Variants in GULP1 observed in about 807,000 individuals in gnomAD.
The protein encoded by GULP1 is PTB domain-containing engulfment adapter protein 1.
In GULP1, 19 loss-of-function variants were observed where a neutral mutation model predicts 40.9. The observed-to-expected ratio is 0.46, with a 90% CI of 0.32 to 0.68. GULP1 has a LOEUF of 0.68. Among genes scored for constraint, GULP1 ranks in the 30% least tolerant of loss-of-function variants. The probability of loss-of-function intolerance (pLI) is 0.03; values close to 1 mark genes in which losing one functional copy is unlikely to be tolerated. For missense variants in GULP1, 312 were observed against 362.2 expected (o/e 0.86, Z 1.12); for synonymous variants, 119 against 117.6 (o/e 1.01, Z -0.08).
At chr2:188,349,404 A>G (rs905524931) in intron 1 of GULP1, among the ~76,000 whole-genome samples, 2 of 152,148 alleles carry the variant, frequency 1.3e-5, no homozygotes, top group African/African-American at 4.8e-5. Flanking sequence ...GCTTGCCAAT[A>G]CTTGTTAATG....
chr2:188,323,868 C>A (rs1383520279), intron 1 of GULP1, among the ~76,000 whole-genome samples: 1 of 151,554 alleles, frequency 6.6e-6, no homozygotes, highest in Non-Finnish European at 1.5e-5. Flanking sequence ...GCTGGCGTAT[C>A]CTCTCAATTT....
intron 4 of GULP1, among the ~76,000 whole-genome samples, chr2:188,493,549 A>T (rs1030594173): frequency 6.6e-6 from 1 of 152,002 alleles, no homozygotes; most frequent in Non-Finnish European, 1.5e-5. Context: ...TTTCCTGCCT[A>T]AATGTCACCC....
At chr2:188,342,375 T>G (rs939505715) in intron 1 of GULP1, among the ~76,000 whole-genome samples, 2 of 152,110 alleles carry the variant, frequency 1.3e-5, no homozygotes, top group African/African-American at 2.4e-5. Flanking sequence ...TTCCTCCATG[T>G]CTCTTTGTGT....
At chr2:188,357,481 A>G (rs1401637029) in intron 1 of GULP1, among the ~76,000 whole-genome samples, 3 of 152,188 alleles carry the variant, frequency 2.0e-5, no homozygotes, top group Non-Finnish European at 1.5e-5. Flanking sequence ...GGTAGTGCAT[A>G]TCAAAACTAT....
intron 1 of GULP1, among the ~76,000 whole-genome samples, chr2:188,308,369 G>T (rs1236288609): frequency 2.0e-5 from 3 of 152,040 alleles, no homozygotes; most frequent in Admixed American, 2.0e-4. Context: ...AAATGTTTTA[G>T]AAAATAATTT....
intron 2 of GULP1, among the ~76,000 whole-genome samples, chr2:188,418,254 T>C (rs1350538629): frequency 6.6e-6 from 1 of 152,190 alleles, no homozygotes; most frequent in Non-Finnish European, 1.5e-5. Context: ...TACCTCTGAT[T>C]GGTTAGATTA....
rs138602865 is a variant in GULP1 at position 188,397,516 on chromosome 2, A to G, written c.-45+13627A>G. Among the ~76,000 whole-genome samples the G allele has an allele frequency of 2.0e-3, 311 of 152,340 alleles. 2 individuals are homozygous for G. The highest frequency in any genetic ancestry group is 6.8e-3 in the Middle Eastern group (2 of 294). ...AATAAAACTCACTGCAATTTTTTTC[A>G]TAGAAGATACTTCATAAATGTTGCT... On this transcript the variant is annotated intron_variant, in intron 2 of 11. Coordinates refer to ENST00000409830, the MANE Select transcript of GULP1 (RefSeq NM_016315.4).
rs1576294139 is a variant in GULP1, at chr2:188,584,005, A to G, written c.610-260A>G. On this transcript the variant is annotated intron_variant, in intron 9 of 11. Transcript: ENST00000409830. Reference sequence around the variant, plus strand: ...GTATCTTTTATATTCATCTGGAATAATATTGTCACCGTTTTTGCCATCATC... The same window carrying G: ...GTATCTTTTATATTCATCTGGAATAGTATTGTCACCGTTTTTGCCATCATC... Among the ~76,000 whole-genome samples the G allele has an allele frequency of 2.0e-5, 3 of 152,326 alleles. No individual in the cohort carries two copies. In the Middle Eastern group the frequency reaches 0.01, roughly 518 times the overall value.
intron 1 of GULP1, among the ~76,000 whole-genome samples, chr2:188,340,022 A>T (rs2042756265): frequency 2.0e-5 from 3 of 152,216 alleles, no homozygotes; most frequent in African/African-American, 7.2e-5. Flanking sequence ...CCTAAAAAGA[A>T]CGAGAGAGAT....
At chr2:188,467,355 T>G (rs2060211848) in intron 2 of GULP1, among the ~76,000 whole-genome samples, 1 of 152,160 alleles carries the variant, frequency 6.6e-6, no homozygotes, top group African/African-American at 2.4e-5. Context: ...GTCTGAAACT[T>G]ACAGTTTGAG....
intron 11 of GULP1, chr2:188,588,867 GC>G (rs1702946317): frequency 6.6e-6 from 1 of 151,972 alleles, no homozygotes; most frequent in South Asian, 2.1e-4. Context: ...TAATTTAAAT[GC>G]CCTTTTACTC....
intron 2 of GULP1, among the ~76,000 whole-genome samples, chr2:188,387,335 A>G (rs1211202736): frequency 6.6e-6 from 1 of 152,182 alleles, no homozygotes; most frequent in Non-Finnish European, 1.5e-5. Flanking sequence ...ACATTTATCT[A>G]ATTAATATTT....
intron 1 of GULP1, among the ~76,000 whole-genome samples, chr2:188,332,475 A>G (rs13411351): frequency 0.022 from 3,408 of 152,288 alleles, 137 homozygotes; most frequent in African/African-American, 0.078. Flanking sequence ...GGCATGAGCC[A>G]TCGTGCCAAA....
At chr2:188,450,001 C>G (rs914580410) in intron 2 of GULP1, among the ~76,000 whole-genome samples, 21 of 152,036 alleles carry the variant, frequency 1.4e-4, no homozygotes, top group Admixed American at 1.1e-3. Context: ...CTTATTTATT[C>G]TAAATCTAAC....
chr2:188,569,370 C>A lies in GULP1; in HGVS notation c.516+15C>A. 2.5e-6 allele frequency: 3 copies of A among 1,213,932 alleles called. No individual in the cohort carries two copies. The highest frequency in any genetic ancestry group is 3.7e-6 in the Non-Finnish European group (3 of 814,940). 75.2% of individuals were successfully genotyped at this position (1,213,932 alleles called of 1,614,324 possible). On this transcript the variant is annotated intron_variant, in intron 8 of 11. Transcript: ENST00000409830. Reference sequence around the variant, plus strand: ...TACAAAAAAGAGTGAGTAAACTAAGCTTGTTGTTTTACATTTGTGTGATGT... The same window carrying A: ...TACAAAAAAGAGTGAGTAAACTAAGATTGTTGTTTTACATTTGTGTGATGT...
chr2:188,346,594 G>A (rs1254033998), intron 1 of GULP1, among the ~76,000 whole-genome samples: 3 of 151,434 alleles, frequency 2.0e-5, no homozygotes, highest in Admixed American at 6.6e-5. Flanking sequence ...CTGGGTTCAC[G>A]CCATTCTCCT....
chr2:188,551,139 G>A (rs1205517011), intron 7 of GULP1, among the ~76,000 whole-genome samples: 6 of 151,658 alleles, frequency 4.0e-5, no homozygotes, highest in African/African-American at 1.2e-4. Flanking sequence ...TGGAGTAGAT[G>A]TGAAACATTG....
intron 4 of GULP1, among the ~76,000 whole-genome samples, chr2:188,496,472 A>G (rs1016173310): frequency 1.2e-4 from 18 of 152,046 alleles, no homozygotes; most frequent in African/African-American, 3.9e-4. Flanking sequence ...ATTCAAACTA[A>G]AAAATATTCT....
At position 188,364,607 on chromosome 2, in the gene GULP1, G is replaced by A. The variant is rs542028566; in HGVS notation, c.-171-19156G>A. ...GCTAGTCATGTAACCTATGGTTTGC[G>A]GTTTTTTATCAAAGAGGGGAGATGA... is the stretch of plus-strand genomic sequence containing the variant. On this transcript the variant is annotated intron_variant, in intron 1 of 11. Transcript: ENST00000409830. Among the ~76,000 whole-genome samples, 534 of 151,798 alleles carry A rather than the reference G, an allele frequency of 3.5e-3. 4 individuals are homozygous for A. Among genetic ancestry groups the A allele is most frequent in the Middle Eastern group, 0.014 (4 of 294 alleles).
Sources: allele counts gnomAD v4.1 joint callset (sites outside exome capture counted in the v4.1 genomes callset), GRCh38; gene constraint gnomAD v4.1.1; transcripts MANE v1.5; gene names NCBI Gene and HGNC (gene_info 2026-07-23, HGNC 2026-07-21).